Variants in TRABD2B observed in about 807,000 individuals in gnomAD.
TRABD2B encodes TraB domain containing 2B.
Under a neutral mutation model 40.1 loss-of-function variants are expected in TRABD2B, and 14 were observed. The ratio of observed to expected loss-of-function variants is 0.35; its 90% CI spans 0.23 to 0.55. The LOEUF (loss-of-function observed/expected upper bound fraction) is 0.55. TRABD2B is among the 20% of genes least tolerant of loss of function. The pLI, the probability that TRABD2B is intolerant of heterozygous loss-of-function variation, is 0.90. For missense variants in TRABD2B, 541 were observed against 648.6 expected (o/e 0.83, Z 1.80); for synonymous variants, 263 against 277.0 (o/e 0.95, Z 0.50).
intron 2 of TRABD2B, among the ~76,000 whole-genome samples, chr1:47,896,765 C>T (rs976010979): frequency 9.9e-5 from 15 of 152,172 alleles, no homozygotes; most frequent in African/African-American, 2.4e-4. Context: ...ACTTCTTGGG[C>T]AAGAAACTCC....
intron 2 of TRABD2B, among the ~76,000 whole-genome samples, chr1:47,934,238 C>T (rs1645076333): frequency 6.6e-6 from 1 of 152,218 alleles, no homozygotes. Flanking sequence ...GTCCCTGACT[C>T]CCCAGTCTCT....
intron 2 of TRABD2B, among the ~76,000 whole-genome samples, chr1:47,894,841 T>C (rs189043012): frequency 3.3e-5 from 5 of 152,240 alleles, no homozygotes; most frequent in Admixed American, 3.3e-4. Context: ...CAACATGTGC[T>C]GAGGACACAG....
intron 2 of TRABD2B, among the ~76,000 whole-genome samples, chr1:47,862,729 A>T (rs1457451624): frequency 6.6e-6 from 1 of 152,186 alleles, no homozygotes; most frequent in Non-Finnish European, 1.5e-5. Flanking sequence ...CTATCAACAA[A>T]CTGATTCTAA....
At chr1:47,782,993 C>T (rs1355863277) in intron 4 of TRABD2B, among the ~76,000 whole-genome samples, 1 of 151,922 alleles carries the variant, frequency 6.6e-6, no homozygotes, top group African/African-American at 2.4e-5. Flanking sequence ...TCTGCTGAGG[C>T]CTCGTGGATG....
chr1:47,869,795 C>A (rs1005572862), intron 2 of TRABD2B, among the ~76,000 whole-genome samples: 6 of 152,190 alleles, frequency 3.9e-5, no homozygotes, highest in Admixed American at 2.0e-4. Context: ...CAATCACATG[C>A]GGTTTGGGAA....
chr1:47,874,754 GCA>G (rs995146714), intron 2 of TRABD2B, among the ~76,000 whole-genome samples: 2 of 147,744 alleles, frequency 1.4e-5, no homozygotes, highest in Non-Finnish European at 1.5e-5. Context: ...ATATATACAC[GCA>G]CACACACACA....
At chr1:47,775,136 C>A (rs565240135) in intron 6 of TRABD2B, 34 bp downstream of exon 6, 3 of 1,232,612 alleles carry the variant, frequency 2.4e-6, no homozygotes, top group Non-Finnish European at 3.0e-6. Context: ...TGCAGACGCC[C>A]AGCTCCTGGG....
chr1:47,878,332 G>A (rs1008362658), intron 2 of TRABD2B, among the ~76,000 whole-genome samples: 1 of 152,122 alleles, frequency 6.6e-6, no homozygotes, highest in Non-Finnish European at 1.5e-5. Flanking sequence ...CCCAAAAAAA[G>A]AACATGTTTG....
At chr1:47,854,321 A>G (rs1450951679) in intron 2 of TRABD2B, among the ~76,000 whole-genome samples, 1 of 152,192 alleles carries the variant, frequency 6.6e-6, no homozygotes, top group Admixed American at 6.5e-5. Flanking sequence ...GGCCTCTCTC[A>G]TGAGGCTGTT....
chr1:47,767,486 C>A (rs777450380), intron 6 of TRABD2B, among the ~76,000 whole-genome samples: 9 of 152,204 alleles, frequency 5.9e-5, no homozygotes, highest in Admixed American at 1.3e-4. Context: ...GAAGCACTGG[C>A]CACTCTTTAA....
At chr1:47,898,048 T>C (rs564491729) in intron 2 of TRABD2B, among the ~76,000 whole-genome samples, 1 of 152,130 alleles carries the variant, frequency 6.6e-6, no homozygotes, top group South Asian at 2.1e-4. Context: ...ACACAGGTTG[T>C]TGGGTGGCAC....
chr1:47,840,320 C>T (rs547683332), intron 2 of TRABD2B, among the ~76,000 whole-genome samples: 1 of 152,336 alleles, frequency 6.6e-6, no homozygotes, highest in South Asian at 2.1e-4. Context: ...TACGTATCAT[C>T]CTTTCCATTT....
intron 2 of TRABD2B, among the ~76,000 whole-genome samples, chr1:47,896,663 C>T (rs772743980): frequency 7.2e-5 from 11 of 152,190 alleles, no homozygotes; most frequent in Non-Finnish European, 1.5e-4. Flanking sequence ...TGCCCACGAG[C>T]TGAGCTCACC....
At chr1:47,866,865 A>G (rs775644257) in intron 2 of TRABD2B, among the ~76,000 whole-genome samples, 6 of 152,200 alleles carry the variant, frequency 3.9e-5, no homozygotes, top group African/African-American at 7.2e-5. Flanking sequence ...GGGCGCCCCA[A>G]GGTCTAGAAA....
chr1:47,886,418 T>G (rs1332974623), intron 2 of TRABD2B, among the ~76,000 whole-genome samples: 1 of 152,228 alleles, frequency 6.6e-6, no homozygotes, highest in African/African-American at 2.4e-5. Context: ...TCCTCACTGC[T>G]GGACACCTAG....
chr1:47,931,564 T>TG, intron 2 of TRABD2B, among the ~76,000 whole-genome samples: 1 of 152,262 alleles, frequency 6.6e-6, no homozygotes, highest in East Asian at 1.9e-4. Flanking sequence ...CATACATGCA[T>TG]GGGTTCCTGA....
At chr1:47,903,334 G>A (rs1052524528) in intron 2 of TRABD2B, among the ~76,000 whole-genome samples, 1 of 152,064 alleles carries the variant, frequency 6.6e-6, no homozygotes, top group Non-Finnish European at 1.5e-5. Flanking sequence ...CATCCCCTAT[G>A]CCTTGCCATT....
intron 2 of TRABD2B, among the ~76,000 whole-genome samples, chr1:47,985,654 C>T (rs959607681): frequency 1.1e-4 from 16 of 152,210 alleles, no homozygotes; most frequent in African/African-American, 3.4e-4. Flanking sequence ...TCCAGTAAAG[C>T]CAGGCATTCA....
chr1:47,863,490 A>G (rs1371160719), intron 2 of TRABD2B, among the ~76,000 whole-genome samples: 2 of 150,790 alleles, frequency 1.3e-5, no homozygotes, highest in African/African-American at 2.4e-5. Context: ...GATGACAAGT[A>G]AGTATATAAA....
Sources: gnomAD v4.1 joint callset for allele counts (sites outside exome capture counted in the v4.1 genomes callset) on GRCh38, gnomAD v4.1.1 for gene constraint, MANE v1.5 for transcripts, NCBI Gene and HGNC (gene_info 2026-07-23, HGNC 2026-07-21) for gene names.